The following CNTNAP2 variants were observed in gnomAD, a reference collection of about 807,000 sequenced individuals.
The protein encoded by CNTNAP2 is contactin-associated protein-like 2.
A neutral mutation model predicts 155.2 loss-of-function variants in CNTNAP2; 98 were observed. That is an observed-to-expected ratio of 0.63 (90% CI 0.54 to 0.75). The LOEUF (loss-of-function observed/expected upper bound fraction) is 0.75. Among genes scored for constraint, CNTNAP2 ranks in the 30% least tolerant of loss-of-function variants. The probability of loss-of-function intolerance (pLI) is 0.00; values close to 1 mark genes in which losing one functional copy is unlikely to be tolerated. For synonymous variants in CNTNAP2, 651 were observed against 631.2 expected, an observed-to-expected ratio of 1.03 and a Z score of -0.47; for missense variants, 1,727 against 1,688.1, an observed-to-expected ratio of 1.02 and a Z score of -0.40.
intron 21 of CNTNAP2, among the ~76,000 whole-genome samples, chr7:148,277,051 G>A (rs758997900): frequency 6.6e-6 from 1 of 152,128 alleles, no homozygotes; most frequent in African/African-American, 2.4e-5. Context: ...TCAGTTTCTC[G>A]AAGAGCCTTT....
intron 1 of CNTNAP2, among the ~76,000 whole-genome samples, chr7:146,197,243 G>A (rs1045152477): frequency 8.5e-5 from 13 of 152,078 alleles, no homozygotes; most frequent in Non-Finnish European, 1.5e-4. Flanking sequence ...ATTCCTCATA[G>A]CAAATAATAT....
At chr7:146,674,512 T>TA (rs61430734) in intron 1 of CNTNAP2, among the ~76,000 whole-genome samples, 8 of 150,146 alleles carry the variant, frequency 5.3e-5, no homozygotes, top group Admixed American at 2.7e-4. Context: ...AAAAAAAAAT[T>TA]AAAAAAAAAA....
At chr7:147,420,193 C>T (rs1797266147) in intron 10 of CNTNAP2, among the ~76,000 whole-genome samples, 1 of 152,080 alleles carries the variant, frequency 6.6e-6, no homozygotes, top group South Asian at 2.1e-4. Context: ...ACTGTAAGTC[C>T]AGCATACGGA....
At chr7:148,250,357 C>G (rs1015645585) in intron 20 of CNTNAP2, among the ~76,000 whole-genome samples, 1 of 152,162 alleles carries the variant, frequency 6.6e-6, no homozygotes, top group African/African-American at 2.4e-5. Context: ...TTCTCTGTGT[C>G]TCTCTATACT....
In CNTNAP2 at chr7:147,155,998, C is replaced by G. The variant is rs116381314; in HGVS notation, c.1348+23489C>G. ...TTAGTAGGTGCATGGATTAAAGGAC[C>G]ATTTTTGTGGCAACACTGGAAAGAA... is the stretch of plus-strand genomic sequence containing the variant. On this transcript the variant is annotated intron_variant, in intron 8 of 23. Coordinates refer to ENST00000361727, the MANE Select transcript of CNTNAP2 (RefSeq NM_014141.6). Among the ~76,000 whole-genome samples, 476 of 152,164 alleles carry G rather than the reference C, an allele frequency of 3.1e-3. 5 individuals are homozygous for G. Among genetic ancestry groups the G allele is most frequent in the African/African-American group, 0.01 (428 of 41,522 alleles).
intron 1 of CNTNAP2, among the ~76,000 whole-genome samples, chr7:146,383,029 T>C (rs1795412559): frequency 6.6e-6 from 1 of 152,260 alleles, no homozygotes; most frequent in South Asian, 2.1e-4. Flanking sequence ...GAAATACCAT[T>C]ATAGCTGTAA....
intron 11 of CNTNAP2, among the ~76,000 whole-genome samples, chr7:147,520,685 G>A (rs763355098): frequency 6.6e-6 from 1 of 152,158 alleles, no homozygotes; most frequent in Non-Finnish European, 1.5e-5. Flanking sequence ...AAGAGCATTT[G>A]ACCCTAATGA....
chr7:146,567,622 A>G (rs1798377395), intron 1 of CNTNAP2, among the ~76,000 whole-genome samples: 1 of 152,214 alleles, frequency 6.6e-6, no homozygotes, highest in South Asian at 2.1e-4. Flanking sequence ...TCAAGCACAT[A>G]TCAGAAAACC....
chr7:148,100,072 A>G (rs185131603), intron 15 of CNTNAP2, among the ~76,000 whole-genome samples: 2 of 151,906 alleles, frequency 1.3e-5, no homozygotes, highest in Non-Finnish European at 2.9e-5. Flanking sequence ...GGGTTTCACC[A>G]TCTTGGCCAG....
At chr7:147,487,790 T>C (rs942705103) in intron 11 of CNTNAP2, among the ~76,000 whole-genome samples, 1 of 152,140 alleles carries the variant, frequency 6.6e-6, no homozygotes, top group African/African-American at 2.4e-5. Context: ...GGATTAGAAA[T>C]GTCCTAAGTG....
chr7:146,156,621 T>A (rs939872782), intron 1 of CNTNAP2, among the ~76,000 whole-genome samples: 2 of 152,102 alleles, frequency 1.3e-5, no homozygotes, highest in African/African-American at 4.8e-5. Flanking sequence ...CATTTTTTTT[T>A]AAATGGAGTC....
At chr7:147,676,316 C>T (rs1795867449) in intron 13 of CNTNAP2, among the ~76,000 whole-genome samples, 1 of 151,890 alleles carries the variant, frequency 6.6e-6, no homozygotes, top group Non-Finnish European at 1.5e-5. Context: ...TCAACAATTC[C>T]CTAAAACCTG....
intron 21 of CNTNAP2, among the ~76,000 whole-genome samples, chr7:148,292,938 G>C (rs1460855451): frequency 6.6e-6 from 1 of 151,552 alleles, no homozygotes; most frequent in Non-Finnish European, 1.5e-5. Flanking sequence ...ATAATTGCCT[G>C]AGCCATCTAC....
intron 1 of CNTNAP2, among the ~76,000 whole-genome samples, chr7:146,601,313 G>T (rs889563982): frequency 1.2e-4 from 18 of 152,034 alleles, no homozygotes; most frequent in Admixed American, 5.2e-4. Context: ...GAAATTTGAG[G>T]AATTTTGACT....
intron 1 of CNTNAP2, among the ~76,000 whole-genome samples, chr7:146,555,719 T>C (rs1390551220): frequency 2.0e-5 from 3 of 152,304 alleles, no homozygotes; most frequent in Admixed American, 2.0e-4. Context: ...GAGCAAGTGG[T>C]ACCACATCTG....
At chr7:146,650,969 A>G (rs1312248341) in intron 1 of CNTNAP2, among the ~76,000 whole-genome samples, 1 of 151,990 alleles carries the variant, frequency 6.6e-6, no homozygotes, top group Non-Finnish European at 1.5e-5. Flanking sequence ...GCAGTGAGAT[A>G]TGATCACGCT....
intron 8 of CNTNAP2, among the ~76,000 whole-genome samples, chr7:147,173,438 A>T (rs1302021539): frequency 6.6e-6 from 1 of 152,186 alleles, no homozygotes; most frequent in South Asian, 2.1e-4. Flanking sequence ...ACTAGTACTG[A>T]CTTTGAATCC....
In CNTNAP2 at chr7:147,560,168, C is replaced by CAAAA. The variant is rs71183016; in HGVS notation, c.1778-1950_1778-1947dup. 8.7e-3 allele frequency among the ~76,000 whole-genome samples: 458 copies of CAAAA among 52,790 alleles called. 15 individuals are homozygous for CAAAA. Among genetic ancestry groups the CAAAA allele is most frequent in the African/African-American group, 0.025 (361 of 14,292 alleles). 34.6% of individuals were successfully genotyped at this position (52,790 alleles called of 152,430 possible). ...GGGCAACAAGAACGAAACTCCGTCT[C>CAAAA]AAAAAAAAAAAAAAAAAAAAAAATT... On this transcript the variant is annotated intron_variant, in intron 11 of 23. Coordinates refer to ENST00000361727, the MANE Select transcript of CNTNAP2 (RefSeq NM_014141.6).
Position 146,956,393 on chromosome 7 carries a change from A to G in CNTNAP2, c.403-87514A>G, listed in dbSNP as rs180933909. ...TCTTGTTTACTCCTATTTATTCACTACATCACTTGAAGTTTCCTCTTGAAT... is the reference window on the plus strand; with the variant it reads ...TCTTGTTTACTCCTATTTATTCACTGCATCACTTGAAGTTTCCTCTTGAAT... On this transcript the variant is annotated intron_variant, in intron 3 of 23. Transcript: ENST00000361727. Among the ~76,000 whole-genome samples, 633 of 152,216 alleles carry G rather than the reference A, an allele frequency of 4.2e-3. 3 individuals carry two copies. Among genetic ancestry groups the G allele is most frequent in the Middle Eastern group, 6.8e-3 (2 of 294 alleles).
Sources: gnomAD v4.1 joint callset for allele counts (sites outside exome capture counted in the v4.1 genomes callset) on GRCh38, gnomAD v4.1.1 for gene constraint, MANE v1.5 for transcripts, NCBI Gene and HGNC (gene_info 2026-07-23, HGNC 2026-07-21) for gene names.